Variants in CIMAP1D observed in about 807,000 individuals in gnomAD.
The protein encoded by CIMAP1D is protein CIMAP1D.
the CIMAP1D span, among the ~76,000 whole-genome samples, chr19:491,215 T>G: frequency 6.6e-6 from 1 of 152,110 alleles, no homozygotes; most frequent in African/African-American, 2.4e-5. Context: ...AGGCGGAGGT[T>G]GCAGTGAGCC....
the CIMAP1D span, chr19:472,514 G>A: frequency 6.5e-7 from 1 of 1,529,690 alleles, no homozygotes; most frequent in African/African-American, 1.4e-5. Flanking sequence ...GCAGCCCAAA[G>A]CCCTCAGGTC....
chr19:478,144 G>T, the CIMAP1D span, among the ~76,000 whole-genome samples: 1 of 152,224 alleles, frequency 6.6e-6, no homozygotes, highest in African/African-American at 2.4e-5. Flanking sequence ...CGAGGAGGGA[G>T]AGAGGAGGAA....
chr19:473,670 C>T, the CIMAP1D span, among the ~76,000 whole-genome samples: 1 of 122,000 alleles, frequency 8.2e-6, no homozygotes, highest in South Asian at 3.4e-4. Context: ...GAGACTGAGG[C>T]CCAGGCAGAG....
chr19:485,138 A>T, the CIMAP1D span, among the ~76,000 whole-genome samples: 1 of 135,616 alleles, frequency 7.4e-6, no homozygotes, highest in East Asian at 2.0e-4. Context: ...AACCCAGCGG[A>T]GGACCCTGCT....
the CIMAP1D span, among the ~76,000 whole-genome samples, chr19:491,212 G>A: frequency 6.6e-6 from 1 of 152,188 alleles, no homozygotes; most frequent in Non-Finnish European, 1.5e-5. Context: ...AGGAGGCGGA[G>A]GTTGCAGTGA....
At chr19:485,443 A>G in the CIMAP1D span, among the ~76,000 whole-genome samples, 1 of 152,222 alleles carries the variant, frequency 6.6e-6, no homozygotes, top group South Asian at 2.1e-4. Context: ...GATGACAGAC[A>G]TGACTGCTGT....
At chr19:474,809 C>G in the CIMAP1D span, 2 of 1,345,656 alleles carry the variant, frequency 1.5e-6, no homozygotes, top group South Asian at 3.3e-5. Flanking sequence ...TGAGCCGCAG[C>G]AGCTCTGGCG....
chr19:463,427 G>A, the CIMAP1D span: 5 of 251,756 alleles, frequency 2.0e-5, no homozygotes, highest in South Asian at 2.1e-4. Context: ...CACAGGCCTC[G>A]GGGCTGCCTC....
At chr19:479,284 A>G in the CIMAP1D span, among the ~76,000 whole-genome samples, 15 of 152,226 alleles carry the variant, frequency 9.9e-5, no homozygotes, top group South Asian at 3.1e-3. Context: ...CAGCTGCTCA[A>G]TCGTTACCTC....
At chr19:469,667 G>A in the CIMAP1D span, among the ~76,000 whole-genome samples, 5 of 152,016 alleles carry the variant, frequency 3.3e-5, no homozygotes, top group Non-Finnish European at 7.4e-5. Context: ...CTCCAGCCTG[G>A]GCGATAGTGT....
chr19:483,808 A>G, the CIMAP1D span, among the ~76,000 whole-genome samples: 1 of 152,290 alleles, frequency 6.6e-6, no homozygotes, highest in African/African-American at 2.4e-5. Context: ...CTGTGTCCCC[A>G]GCTCCCCGGA....
chr19:485,696 A>G, the CIMAP1D span, among the ~76,000 whole-genome samples: 1 of 152,154 alleles, frequency 6.6e-6, no homozygotes, highest in African/African-American at 2.4e-5. Flanking sequence ...CCTAAAACAC[A>G]TCCTCCGGCT....
the CIMAP1D span, chr19:463,613 G>A: frequency 5.5e-5 from 34 of 618,428 alleles, no homozygotes; most frequent in South Asian, 7.7e-4. Flanking sequence ...GCGTGACCTG[G>A]AAGAAACTGG....
the CIMAP1D span, among the ~76,000 whole-genome samples, chr19:476,093 G>C: frequency 4.9e-3 from 709 of 143,694 alleles, 4 homozygotes; most frequent in Non-Finnish European, 7.5e-3. Context: ...CCGCCTCCAG[G>C]GTTCAAGAAA....
the CIMAP1D span, among the ~76,000 whole-genome samples, chr19:477,345 G>A: frequency 1.3e-5 from 2 of 152,238 alleles, no homozygotes; most frequent in African/African-American, 2.4e-5. Flanking sequence ...AGGCCGAGGC[G>A]GGCGGATCAC....
the CIMAP1D span, among the ~76,000 whole-genome samples, chr19:470,000 GTTC>G: frequency 6.6e-6 from 1 of 152,176 alleles, no homozygotes; most frequent in East Asian, 1.9e-4. Flanking sequence ...CTGGAGTTCA[GTTC>G]TTCTGGGGGC....
the CIMAP1D span, chr19:474,814 C>T: frequency 3.8e-6 from 5 of 1,322,532 alleles, no homozygotes; most frequent in Non-Finnish European, 4.9e-6. Flanking sequence ...CGCAGCAGCT[C>T]TGGCGGCCAC....
the CIMAP1D span, among the ~76,000 whole-genome samples, chr19:480,630 GGAAGGATGATGGT>G: frequency 2.5e-5 from 2 of 80,772 alleles, no homozygotes; most frequent in South Asian, 4.0e-4. Context: ...AGGATGATGG[GGAAGGATGATGGT>G]AAGGATGATG....
At chr19:474,609 G>A in the CIMAP1D span, 1 of 1,513,178 alleles carries the variant, frequency 6.6e-7, no homozygotes, top group Non-Finnish European at 8.9e-7. Flanking sequence ...ATCCCCCACG[G>A]CTGGCACGCA....
Sources: gnomAD v4.1 joint callset for allele counts (sites outside exome capture counted in the v4.1 genomes callset) on GRCh38, gnomAD v4.1.1 for gene constraint, MANE v1.5 for transcripts, NCBI Gene and HGNC (gene_info 2026-07-23, HGNC 2026-07-21) for gene names.